BRWD1: variants seen among roughly 807,000 people sequenced by gnomAD.
BRWD1 encodes the protein bromodomain and WD repeat domain containing 1.
BRWD1 carries 82 observed loss-of-function variants against 251.2 expected under a neutral mutation model. The observed-to-expected ratio is 0.33, with a 90% CI of 0.27 to 0.39. The LOEUF (loss-of-function observed/expected upper bound fraction) is 0.39. BRWD1 is among the 10% of genes least tolerant of loss of function. The pLI is 1.00. For synonymous variants in BRWD1, 918 were observed against 902.8 expected, an observed-to-expected ratio of 1.02 and a Z score of -0.30; for missense variants, 2,233 against 2,711.6, an observed-to-expected ratio of 0.82 and a Z score of 3.92.
At chr21:39,216,487 A>C (rs1043299425) in intron 31 of BRWD1, 3 of 154,060 alleles carry the variant, frequency 1.9e-5, no homozygotes, top group African/African-American at 7.2e-5. Flanking sequence ...TGCAACTCTC[A>C]GCCTCCTACT....
In BRWD1 at chr21:39,225,127, T is replaced by C. The variant is rs764585516; in HGVS notation, c.3279A>G (p.Gln1093=). 3 of 1,613,338 alleles carry C rather than the reference T, an allele frequency of 1.9e-6. No homozygotes were observed. The highest frequency in any genetic ancestry group is 1.7e-6 in the Non-Finnish European group (2 of 1,179,392). Residue 1093 remains glutamine, a synonymous_variant, in exon 28 of 41, where the codon CAA becomes CAG. Coordinates refer to ENST00000342449, the MANE Select transcript of BRWD1 (RefSeq NM_033656.4). ...FGTVLSQEPY[Q]PQYPDSHFQC... The stretch of plus-strand genomic sequence containing the variant: ...GGAAATGACTATCAGGATACTGTGG[T>C]TGATATGGCTCTTGACTTAACACTG...
chr21:39,283,503 C>T (rs1373741352), intron 8 of BRWD1, among the ~76,000 whole-genome samples: 1 of 152,186 alleles, frequency 6.6e-6, no homozygotes, highest in Non-Finnish European at 1.5e-5. Context: ...AAATTATACT[C>T]TTCTTCCATT....
chr21:39,250,001 T>G (rs568835472), intron 20 of BRWD1, among the ~76,000 whole-genome samples: 17 of 151,824 alleles, frequency 1.1e-4, no homozygotes, highest in African/African-American at 3.9e-4. Flanking sequence ...CCCTAGAATT[T>G]CATTCTGGAA....
rs1253476765 is a variant in BRWD1 at position 39,241,800 on chromosome 21, T to A, written c.2482-3227A>T. ...CCATTTTTAAACAGCATGAGCTCAT[T>A]CTTGTCTCTATGTCACATTTTAGTA... On this transcript the variant is annotated intron_variant, in intron 21 of 40. Coordinates refer to ENST00000342449, the MANE Select transcript of BRWD1 (RefSeq NM_033656.4). Among the ~76,000 whole-genome samples, 3 of 152,170 alleles carry A rather than the reference T, an allele frequency of 2.0e-5. No homozygotes were observed. In the East Asian group the frequency reaches 5.8e-4, roughly 29 times the overall value.
At chr21:39,243,011 A>C (rs1025362636) in intron 21 of BRWD1, among the ~76,000 whole-genome samples, 1 of 152,212 alleles carries the variant, frequency 6.6e-6, no homozygotes, top group Admixed American at 6.5e-5. Flanking sequence ...ATGCCTGCTA[A>C]CACCACATCC....
rs1467013075 is a variant in BRWD1, at chr21:39,186,130, CTG to C, written c.*10127_*10128del. On this transcript the variant is annotated 3_prime_UTR_variant, in exon 41 of 41. Coordinates refer to ENST00000342449, the MANE Select transcript of BRWD1 (RefSeq NM_033656.4). ...CTGTAGAGAAACATAAAAGATTTCA[CTG>C]TATCTAAAAATATGACTGTTTTGAT... is the stretch of plus-strand genomic sequence containing the variant. The C allele has an allele frequency of 1.3e-5, 2 of 152,184 alleles. No individual in the cohort carries two copies. The highest frequency in any genetic ancestry group is 4.8e-5 in the African/African-American group (2 of 41,448). 9.4% of individuals were successfully genotyped at this position (152,184 alleles called of 1,614,324 possible). A position where few individuals can be genotyped will look rare whatever the true frequency, so the allele number is the denominator to read the frequency against.
At chr21:39,260,787 TCTAA>T (rs1227955409) in intron 17 of BRWD1, among the ~76,000 whole-genome samples, 3 of 152,076 alleles carry the variant, frequency 2.0e-5, no homozygotes, top group Non-Finnish European at 2.9e-5. Flanking sequence ...CATCCACAGA[TCTAA>T]CTGAGTTGAG....
chr21:39,297,448 A>G (rs1021821310), intron 5 of BRWD1: 23 of 970,988 alleles, frequency 2.4e-5, no homozygotes, highest in Non-Finnish European at 2.7e-5. Flanking sequence ...ACTGCTCATC[A>G]CAAAACAACG....
At chr21:39,302,191 C>T (rs1428452354) in intron 4 of BRWD1, among the ~76,000 whole-genome samples, 2 of 151,372 alleles carry the variant, frequency 1.3e-5, no homozygotes, top group Admixed American at 1.3e-4. Context: ...ACCATGTTGG[C>T]CAGGCTGGTC....
chr21:39,311,990 G>T (rs1456681822), intron 4 of BRWD1, among the ~76,000 whole-genome samples: 1 of 152,132 alleles, frequency 6.6e-6, no homozygotes, highest in African/African-American at 2.4e-5. Flanking sequence ...CCTTATACAA[G>T]ATGCTGAATA....
rs139333065 is a variant in BRWD1, at chr21:39,289,747, G to A, written c.831+4064C>T. ...CTATTAAGAAGCTAGCAATCAGGCCGGGCACGGTGGCTCACGCCTGTAATC... is the reference window on the plus strand; with the variant it reads ...CTATTAAGAAGCTAGCAATCAGGCCAGGCACGGTGGCTCACGCCTGTAATC... On this transcript the variant is annotated intron_variant, in intron 8 of 40. Coordinates refer to ENST00000342449, the MANE Select transcript of BRWD1 (RefSeq NM_033656.4). Among the ~76,000 whole-genome samples, 496 of 151,684 alleles carry A rather than the reference G, an allele frequency of 3.3e-3. 2 individuals are homozygous for A. The highest frequency in any genetic ancestry group is 0.01 in the African/African-American group (422 of 41,356).
intron 9 of BRWD1, 68 bp from the exon 10 acceptor site, chr21:39,278,881 G>T: frequency 8.6e-7 from 1 of 1,168,338 alleles, no homozygotes; most frequent in Non-Finnish European, 1.2e-6. Flanking sequence ...TAAAATATTA[G>T]TTTTAATCTA....
intron 36 of BRWD1, among the ~76,000 whole-genome samples, chr21:39,209,053 G>A (rs907979932): frequency 6.6e-6 from 1 of 150,924 alleles, no homozygotes; most frequent in Non-Finnish European, 1.5e-5. Context: ...GAGATAAGAA[G>A]AACTGGCTGA....
rs2035415948 is a variant in BRWD1, at chr21:39,280,301, A to C, written c.832-53T>G. On this transcript the variant is annotated intron_variant, in intron 8 of 40. Transcript: ENST00000342449. ...TTTCCAGAACTTCTACTTAAGTTAC[A>C]GTTTAATAGTCTTGCAAACTTAACT... 1.7e-5 allele frequency: 24 copies of C among 1,372,758 alleles called. No individual in the cohort carries two copies. The South Asian group carries it at 3.1e-4, about 18-fold the overall frequency. 85.0% of individuals were successfully genotyped at this position (1,372,758 alleles called of 1,614,324 possible).
chr21:39,290,727 A>G (rs2035785391), intron 8 of BRWD1, among the ~76,000 whole-genome samples: 1 of 152,208 alleles, frequency 6.6e-6, no homozygotes, highest in Admixed American at 6.5e-5. Flanking sequence ...TTAACTGTGA[A>G]ACCTAGCAAG....
chr21:39,310,616 T>A (rs8131067), intron 4 of BRWD1, among the ~76,000 whole-genome samples: 140,865 of 152,190 alleles, frequency 0.93, 65,541 homozygotes, highest in African/African-American at 0.97. Context: ...AAAAAAAAAT[T>A]ATTATTATTC....
intron 17 of BRWD1, 69 bp downstream of exon 17, chr21:39,264,387 AAATT>A (rs1408364812): frequency 1.1e-6 from 1 of 922,460 alleles, no homozygotes; most frequent in Non-Finnish European, 1.6e-6. Flanking sequence ...AAAGGTAAGG[AAATT>A]ATTTATATTA....
intron 9 of BRWD1, among the ~76,000 whole-genome samples, chr21:39,279,619 A>C (rs1188400828): frequency 1.4e-5 from 2 of 143,822 alleles, no homozygotes; most frequent in Non-Finnish European, 3.0e-5. Flanking sequence ...AGCCTGGGCA[A>C]CAGAGTGAGA....
At chr21:39,234,554 G>C (rs1374110798) in intron 23 of BRWD1, among the ~76,000 whole-genome samples, 1 of 152,098 alleles carries the variant, frequency 6.6e-6, no homozygotes, top group Non-Finnish European at 1.5e-5. Context: ...CCTTTGTTTA[G>C]ATACTTAAAC....
Sources: allele counts gnomAD v4.1 joint callset (sites outside exome capture counted in the v4.1 genomes callset), GRCh38; gene constraint gnomAD v4.1.1; transcripts MANE v1.5; gene names NCBI Gene and HGNC (gene_info 2026-07-23, HGNC 2026-07-21).